The following TRIO variants were observed in gnomAD, a reference collection of about 807,000 sequenced individuals.
The protein encoded by TRIO is triple functional domain protein.
In TRIO, 58 loss-of-function variants were observed where a neutral mutation model predicts 351.9. The observed-to-expected ratio is 0.16, with a 90% CI of 0.13 to 0.21. TRIO has a LOEUF of 0.21. Among genes scored for constraint, TRIO ranks in the 10% least tolerant of loss-of-function variants. TRIO has a pLI of 1.00. For synonymous variants in TRIO, 1,758 were observed against 1,595.7 expected, an observed-to-expected ratio of 1.10 and a Z score of -2.42; for missense variants, 3,201 against 4,027.8, an observed-to-expected ratio of 0.79 and a Z score of 5.56.
intron 1 of TRIO, among the ~76,000 whole-genome samples, chr5:14,243,368 A>C (rs1296644867): frequency 1.3e-5 from 2 of 151,848 alleles, no homozygotes; most frequent in Admixed American, 6.6e-5. Flanking sequence ...ATATTCCTTA[A>C]TGCAAGTAAA....
intron 34 of TRIO, among the ~76,000 whole-genome samples, chr5:14,451,731 A>G (rs1752862935): frequency 6.6e-6 from 1 of 152,270 alleles, no homozygotes; most frequent in Non-Finnish European, 1.5e-5. Flanking sequence ...TCATCAGCAC[A>G]TAGCAATAAC....
intron 8 of TRIO, among the ~76,000 whole-genome samples, chr5:14,309,924 C>T (rs984258998): frequency 3.9e-5 from 6 of 151,904 alleles, no homozygotes; most frequent in African/African-American, 1.5e-4. Context: ...AGTTTCTAGT[C>T]TCTGATCATA....
intron 11 of TRIO, among the ~76,000 whole-genome samples, chr5:14,352,198 C>A (rs1482912677): frequency 6.6e-6 from 1 of 152,198 alleles, no homozygotes; most frequent in African/African-American, 2.4e-5. Flanking sequence ...CCTCTTCCAC[C>A]CAGCCCTCTG....
At chr5:14,460,238 T>C (rs1377559702) in intron 34 of TRIO, among the ~76,000 whole-genome samples, 1 of 152,186 alleles carries the variant, frequency 6.6e-6, no homozygotes, top group Non-Finnish European at 1.5e-5. Flanking sequence ...TTTTAAAATG[T>C]GGTGGCGTTT....
intron 48 of TRIO, among the ~76,000 whole-genome samples, chr5:14,489,457 T>G (rs896596344): frequency 6.6e-6 from 1 of 152,138 alleles, no homozygotes; most frequent in African/African-American, 2.4e-5. Context: ...AGCATAGATT[T>G]GAGTCCAGTG....
At chr5:14,309,125 A>G (rs1006129196) in intron 8 of TRIO, among the ~76,000 whole-genome samples, 13 of 145,960 alleles carry the variant, frequency 8.9e-5, no homozygotes, top group African/African-American at 3.1e-4. Context: ...ACATCCATAT[A>G]AAATTACTGC....
chr5:14,398,480 C>T (rs1249757204), intron 29 of TRIO, among the ~76,000 whole-genome samples: 1 of 151,810 alleles, frequency 6.6e-6, no homozygotes, highest in East Asian at 1.9e-4. Context: ...AAGACGGAGG[C>T]TGGGAAGTAG....
chr5:14,274,974 T>C (rs1251043840), intron 2 of TRIO, among the ~76,000 whole-genome samples: 1 of 152,172 alleles, frequency 6.6e-6, no homozygotes, highest in Non-Finnish European at 1.5e-5. Flanking sequence ...TAGGAAACAA[T>C]ACAGGTTGCT....
At position 14,411,970 on chromosome 5, in the gene TRIO, GT is replaced by G. The variant is rs983108790; in HGVS notation, c.4959+5306del. Among the ~76,000 whole-genome samples the G allele has an allele frequency of 8.1e-5, 12 of 148,524 alleles. 1 individual carries two copies. Among genetic ancestry groups the G allele is most frequent in the Admixed American group, 6.7e-5 (1 of 14,968 alleles). On this transcript the variant is annotated intron_variant, in intron 33 of 56. Coordinates refer to ENST00000344204, the MANE Select transcript of TRIO (RefSeq NM_007118.4). Reference sequence around the variant, plus strand: ...TTGGAGACATGAGGTTCTATGTGTTGTTTTTTTTCTTTCTTTCTTTCTTTTT... The same window carrying G: ...TTGGAGACATGAGGTTCTATGTGTTGTTTTTTTCTTTCTTTCTTTCTTTTT...
chr5:14,237,193 G>T (rs530961062), intron 1 of TRIO, among the ~76,000 whole-genome samples: 30 of 152,294 alleles, frequency 2.0e-4, no homozygotes, highest in African/African-American at 7.2e-4. Context: ...TTTGAAATAT[G>T]TGCAAATACT....
In TRIO at chr5:14,368,781, A is replaced by T. The variant is rs771556580; in HGVS notation, c.2948A>T (p.Asp983Val). Residue 983 changes from aspartate (D) to valine (V), a missense_variant, in exon 17 of 57, where the codon GAC becomes GTC. Around this residue, in one of 19 missense-constraint regions of TRIO, gnomAD observed 363 missense variants for 553.5 expected, o/e 0.66. Transcript: ENST00000344204. ...CTACAGGCCAACCACTACGACATGG[A>T]CATGATCCGGGACTGCGCCGAGAAG... Reference protein sequence around the residue: ...AMLQANHYDMDMIRDCAEKVA... With the variant: ...AMLQANHYDMVMIRDCAEKVA... 9.3e-6 allele frequency: 15 copies of T among 1,613,990 alleles called. No homozygotes were observed. Among genetic ancestry groups the T allele is most frequent in the Non-Finnish European group, 1.3e-5 (15 of 1,180,032 alleles).
intron 1 of TRIO, among the ~76,000 whole-genome samples, chr5:14,157,122 A>G (rs958436050): frequency 2.0e-5 from 3 of 152,194 alleles, no homozygotes; most frequent in Non-Finnish European, 4.4e-5. Context: ...AGTACATTCT[A>G]CAAGGAGGAG....
Position 14,189,492 on chromosome 5 carries a change from C to T in TRIO, c.157+45610C>T, listed in dbSNP as rs140618966. On this transcript the variant is annotated intron_variant, in intron 1 of 56. Transcript: ENST00000344204. ...CCCCCAAATACAAATAACAGCAGTTCCTTTTTATCATAAAGTAAATGTGTG... is the reference window on the plus strand; with the variant it reads ...CCCCCAAATACAAATAACAGCAGTTTCTTTTTATCATAAAGTAAATGTGTG... Among the ~76,000 whole-genome samples the T allele has an allele frequency of 1.7e-4, 26 of 152,266 alleles. 1 individual carries two copies. In the East Asian group the frequency reaches 5.0e-3, roughly 29 times the overall value.
At chr5:14,332,182 CT>C (rs1269181688) in intron 10 of TRIO, among the ~76,000 whole-genome samples, 3 of 152,188 alleles carry the variant, frequency 2.0e-5, no homozygotes, top group African/African-American at 7.2e-5. Context: ...GCCTATCCCC[CT>C]GGATTCAAAT....
intron 1 of TRIO, among the ~76,000 whole-genome samples, chr5:14,148,567 C>T (rs1280355328): frequency 3.3e-5 from 5 of 152,202 alleles, no homozygotes; most frequent in Non-Finnish European, 7.3e-5. Context: ...GCCCCCATTC[C>T]TCCTCAATTC....
intron 1 of TRIO, among the ~76,000 whole-genome samples, chr5:14,212,542 A>G (rs1791974553): frequency 6.6e-6 from 1 of 152,234 alleles, no homozygotes; most frequent in Admixed American, 6.5e-5. Flanking sequence ...CACCTAAAAT[A>G]AAGTGTCTGA....
intron 33 of TRIO, among the ~76,000 whole-genome samples, chr5:14,410,813 T>C (rs1749136637): frequency 6.6e-6 from 1 of 152,186 alleles, no homozygotes; most frequent in Non-Finnish European, 1.5e-5. Flanking sequence ...CAGGGAGCAC[T>C]GTCAGCAGAG....
At chr5:14,260,358 A>T (rs1022705190) in intron 1 of TRIO, among the ~76,000 whole-genome samples, 1 of 152,238 alleles carries the variant, frequency 6.6e-6, no homozygotes, top group African/African-American at 2.4e-5. Context: ...GGCTACGGTT[A>T]GTGTAATGTG....
chr5:14,459,523 G>A lies in TRIO; in HGVS notation c.5204-1496G>A, dbSNP rs532716828. Among the ~76,000 whole-genome samples the A allele has an allele frequency of 1.3e-3, 194 of 152,302 alleles. 1 individual carries two copies. The highest frequency in any genetic ancestry group is 1.9e-3 in the Non-Finnish European group (131 of 68,038). ...CTGGTGTGCGAGTTGTACAGTAGACGTCACACAAGTCCATGGATTGGCTGA... is the reference window on the plus strand; with the variant it reads ...CTGGTGTGCGAGTTGTACAGTAGACATCACACAAGTCCATGGATTGGCTGA... On this transcript the variant is annotated intron_variant, in intron 34 of 56. Coordinates refer to ENST00000344204, the MANE Select transcript of TRIO (RefSeq NM_007118.4).
Sources: allele counts gnomAD v4.1 joint callset (sites outside exome capture counted in the v4.1 genomes callset), GRCh38; gene constraint gnomAD v4.1.1; regional missense constraint gnomAD v4.1.1; transcripts MANE v1.5; gene names NCBI Gene and HGNC (gene_info 2026-07-23, HGNC 2026-07-21).